NUBPL: variants seen among roughly 807,000 people sequenced by gnomAD.
The protein encoded by NUBPL is iron-sulfur cluster transfer protein NUBPL.
Under a neutral mutation model 45.7 loss-of-function variants are expected in NUBPL, and 31 were observed. That is an observed-to-expected ratio of 0.68 (90% CI 0.51 to 0.92). The LOEUF is 0.92. Among genes scored for constraint, NUBPL ranks in the 40% least tolerant of loss-of-function variants. The pLI is 0.00. For synonymous variants in NUBPL, 144 were observed against 140.9 expected (o/e 1.02, Z -0.15); for missense variants, 401 against 398.7 (o/e 1.01, Z -0.05).
At chr14:31,858,826 A>G (rs143249279) in intron 10 of NUBPL, among the ~76,000 whole-genome samples, 184 of 152,296 alleles carry the variant, frequency 1.2e-3, no homozygotes, top group African/African-American at 4.1e-3. Context: ...CTGCAACTAG[A>G]CTGGGTTGCT....
chr14:31,589,394 A>G (rs74905149), intron 3 of NUBPL, among the ~76,000 whole-genome samples: 7,680 of 152,266 alleles, frequency 0.05, 242 homozygotes, highest in African/African-American at 0.073. Context: ...TACATTTTAT[A>G]GAAAATATAA....
At chr14:31,852,397 G>T (rs1460278421) in intron 10 of NUBPL, among the ~76,000 whole-genome samples, 5 of 152,184 alleles carry the variant, frequency 3.3e-5, no homozygotes, top group African/African-American at 1.2e-4. Context: ...AGTAGGCCCG[G>T]CACGGTGGCT....
At chr14:31,595,687 C>G (rs1159201816) in intron 3 of NUBPL, among the ~76,000 whole-genome samples, 3 of 152,094 alleles carry the variant, frequency 2.0e-5, no homozygotes, top group Non-Finnish European at 2.9e-5. Context: ...TATTTACATA[C>G]TTAAAATAGG....
chr14:31,829,890 A>G (rs1464258839), intron 8 of NUBPL, among the ~76,000 whole-genome samples: 1 of 152,146 alleles, frequency 6.6e-6, no homozygotes, highest in African/African-American at 2.4e-5. Context: ...AATTATCTCA[A>G]TATTTGTAGG....
intron 4 of NUBPL, among the ~76,000 whole-genome samples, chr14:31,608,349 T>A (rs2034659246): frequency 6.6e-6 from 1 of 150,952 alleles, no homozygotes; most frequent in South Asian, 2.1e-4. Flanking sequence ...AGGTCAGGAG[T>A]TCGAGGCCAG....
chr14:31,644,891 T>C (rs1338130317), intron 4 of NUBPL, among the ~76,000 whole-genome samples: 1 of 152,126 alleles, frequency 6.6e-6, no homozygotes, highest in Non-Finnish European at 1.5e-5. Context: ...CCTTTATTAT[T>C]ATTGAATGAC....
intron 3 of NUBPL, among the ~76,000 whole-genome samples, chr14:31,588,874 G>A (rs1454518114): frequency 9.5e-5 from 14 of 147,346 alleles, no homozygotes; most frequent in African/African-American, 3.2e-4. Context: ...AGCCAAGATC[G>A]TGCCACTCCA....
chr14:31,608,857 G>A (rs1595362865), intron 4 of NUBPL, among the ~76,000 whole-genome samples: 1 of 152,230 alleles, frequency 6.6e-6, no homozygotes, highest in Non-Finnish European at 1.5e-5. Context: ...TGCGGCCTGG[G>A]GGTTGGGGAC....
Position 31,562,048 on chromosome 14 carries a change from A to G in NUBPL, c.109-20A>G. The G allele has an allele frequency of 6.4e-7, 1 of 1,551,360 alleles. No homozygotes were observed. The highest frequency in any genetic ancestry group is 8.7e-7 in the Non-Finnish European group (1 of 1,146,718). ...GATGGCTTATTTAAAACGGCTTTTT[A>G]TTATTATTATTTTTTAAAGTTGTCT... On this transcript the variant is annotated intron_variant, in intron 1 of 10. Coordinates refer to ENST00000281081, the MANE Select transcript of NUBPL (RefSeq NM_025152.3).
At chr14:31,707,106 C>T (rs1437706167) in intron 6 of NUBPL, among the ~76,000 whole-genome samples, 1 of 152,212 alleles carries the variant, frequency 6.6e-6, no homozygotes, top group Non-Finnish European at 1.5e-5. Flanking sequence ...CATCTATCAT[C>T]CTGTCCTGTA....
rs141847311 is a variant in NUBPL, at chr14:31,818,636, C to T, written c.608-7993C>T. Among the ~76,000 whole-genome samples the T allele has an allele frequency of 6.6e-3, 1,005 of 152,320 alleles. 11 individuals are homozygous for T. Among genetic ancestry groups the T allele is most frequent in the African/African-American group, 0.023 (949 of 41,556 alleles). On this transcript the variant is annotated intron_variant, in intron 7 of 10. Transcript: ENST00000281081. ...CGATCTCGGCTTACTGCAAGCTCCGCCTGCTGGGTTCACGCCATTCTCCTG... is the reference window on the plus strand; with the variant it reads ...CGATCTCGGCTTACTGCAAGCTCCGTCTGCTGGGTTCACGCCATTCTCCTG...
chr14:31,837,769 C>T (rs2040305160), intron 8 of NUBPL, among the ~76,000 whole-genome samples: 1 of 151,934 alleles, frequency 6.6e-6, no homozygotes, highest in Non-Finnish European at 1.5e-5. Flanking sequence ...AGAGGATATA[C>T]AAATGACAAA....
At chr14:31,568,387 C>T (rs1207571173) in intron 3 of NUBPL, among the ~76,000 whole-genome samples, 2 of 152,178 alleles carry the variant, frequency 1.3e-5, no homozygotes, top group African/African-American at 2.4e-5. Context: ...TTTAACTTTA[C>T]ATAAACACGC....
At chr14:31,706,039 C>T (rs2037443253) in intron 6 of NUBPL, among the ~76,000 whole-genome samples, 1 of 152,178 alleles carries the variant, frequency 6.6e-6, no homozygotes, top group Non-Finnish European at 1.5e-5. Context: ...CAGGTAGGGG[C>T]CCCCATAGCG....
At chr14:31,782,317 C>G (rs2039205658) in intron 6 of NUBPL, among the ~76,000 whole-genome samples, 1 of 152,154 alleles carries the variant, frequency 6.6e-6, no homozygotes, top group Admixed American at 6.5e-5. Flanking sequence ...ATTGCTTGAA[C>G]CTGGGAGGCG....
At chr14:31,630,318 T>C (rs2035309333) in intron 4 of NUBPL, among the ~76,000 whole-genome samples, 1 of 152,222 alleles carries the variant, frequency 6.6e-6, no homozygotes, top group Admixed American at 6.5e-5. Flanking sequence ...ATTTATCTAA[T>C]AAATGGGAAT....
intron 6 of NUBPL, among the ~76,000 whole-genome samples, chr14:31,738,792 T>G (rs1449623376): frequency 6.6e-6 from 1 of 152,194 alleles, no homozygotes; most frequent in African/African-American, 2.4e-5. Context: ...ATAGTAGTGA[T>G]TTATAAATTG....
intron 4 of NUBPL, among the ~76,000 whole-genome samples, chr14:31,604,748 T>G (rs1263085639): frequency 6.6e-6 from 1 of 152,182 alleles, no homozygotes; most frequent in African/African-American, 2.4e-5. Context: ...CATTTTGCAT[T>G]TAAGACATTT....
At chr14:31,802,107 C>T (rs1282453084) in intron 7 of NUBPL, among the ~76,000 whole-genome samples, 3 of 152,258 alleles carry the variant, frequency 2.0e-5, no homozygotes, top group East Asian at 3.9e-4. Context: ...GCTCTATCCT[C>T]ATGAATAAAC....
Sources: allele counts gnomAD v4.1 joint callset (sites outside exome capture counted in the v4.1 genomes callset), GRCh38; gene constraint gnomAD v4.1.1; transcripts MANE v1.5; gene names NCBI Gene and HGNC (gene_info 2026-07-23, HGNC 2026-07-21).